Variants in CEP70 observed in about 807,000 individuals in gnomAD.
CEP70 encodes the protein centrosomal protein 70, also known as centrosomal protein of 70 kDa.
In CEP70, 70 loss-of-function variants were observed where a neutral mutation model predicts 90.9. The observed-to-expected ratio is 0.77, with a 90% confidence interval of 0.64 to 0.94. The LOEUF (loss-of-function observed/expected upper bound fraction) is 0.94. Among genes scored for constraint, CEP70 ranks in the 40% least tolerant of loss-of-function variants. The pLI, the probability that CEP70 is intolerant of heterozygous loss-of-function variation, is 0.00. For synonymous variants in CEP70, 220 were observed against 228.3 expected (o/e 0.96, Z 0.33); for missense variants, 648 against 669.0 (o/e 0.97, Z 0.35).
At position 138,551,852 on chromosome 3, in the gene CEP70, G is replaced by T. The variant is rs576122964; in HGVS notation, c.466-14505C>A. On this transcript the variant is annotated intron_variant, in intron 6 of 17. Coordinates refer to ENST00000264982, the MANE Select transcript of CEP70 (RefSeq NM_024491.4). The stretch of plus-strand genomic sequence containing the variant: ...TTGATACTGATGTTGAATGTAAATT[G>T]CCTAAATGCTCCACTTAAAAGATAT... Among the ~76,000 whole-genome samples the T allele has an allele frequency of 5.3e-5, 8 of 151,898 alleles. No homozygotes were observed. The South Asian group carries it at 1.7e-3, about 32-fold the overall frequency.
chr3:138,560,229 G>A (rs1205928097), intron 6 of CEP70, among the ~76,000 whole-genome samples: 1 of 152,144 alleles, frequency 6.6e-6, no homozygotes, highest in Non-Finnish European at 1.5e-5. Flanking sequence ...AAGGAGGGTG[G>A]GGTGTTGCCT....
chr3:138,582,429 G>A (rs745731373), intron 2 of CEP70, among the ~76,000 whole-genome samples: 14 of 151,696 alleles, frequency 9.2e-5, no homozygotes, highest in Non-Finnish European at 1.3e-4. Context: ...CCAAGATAGC[G>A]CCACTGAACT....
At chr3:138,560,184 T>C (rs1023126541) in intron 6 of CEP70, among the ~76,000 whole-genome samples, 5 of 152,108 alleles carry the variant, frequency 3.3e-5, no homozygotes, top group African/African-American at 1.2e-4. Context: ...TTGGGATTGG[T>C]TGGACAGTGG....
intron 11 of CEP70, among the ~76,000 whole-genome samples, chr3:138,514,816 G>A (rs2035856076): frequency 6.6e-6 from 1 of 151,938 alleles, no homozygotes; most frequent in Non-Finnish European, 1.5e-5. Context: ...ATTGGGTAAG[G>A]ATCTGATTTC....
At chr3:138,588,846 G>C (rs182837502) in intron 2 of CEP70, among the ~76,000 whole-genome samples, 252 of 152,276 alleles carry the variant, frequency 1.7e-3, no homozygotes, top group African/African-American at 5.7e-3. Flanking sequence ...TCCAGCAGCA[G>C]GTGAACAGAC....
chr3:138,565,919 T>C (rs2040752539), intron 6 of CEP70, among the ~76,000 whole-genome samples: 2 of 152,124 alleles, frequency 1.3e-5, no homozygotes, highest in African/African-American at 4.8e-5. Context: ...TTTTGCAATC[T>C]ACCCATCTGA....
At chr3:138,574,124 G>A (rs542000651) in intron 2 of CEP70, among the ~76,000 whole-genome samples, 11 of 152,284 alleles carry the variant, frequency 7.2e-5, no homozygotes, top group East Asian at 1.9e-4. Context: ...AGGGCGAGCC[G>A]AAGCAGGGTG....
intron 17 of CEP70, chr3:138,496,982 C>T: frequency 1.0e-6 from 1 of 991,952 alleles, no homozygotes; most frequent in Non-Finnish European, 1.2e-6. Context: ...AAGTTAATAG[C>T]AATCCCAAAG....
intron 2 of CEP70, among the ~76,000 whole-genome samples, chr3:138,588,854 GAC>G: frequency 6.6e-6 from 1 of 152,322 alleles, no homozygotes; most frequent in South Asian, 2.1e-4. Context: ...CAGGTGAACA[GAC>G]ACACAAACTG....
At chr3:138,523,092 T>C (rs577377040) in intron 11 of CEP70, among the ~76,000 whole-genome samples, 2 of 152,310 alleles carry the variant, frequency 1.3e-5, no homozygotes, top group Non-Finnish European at 2.9e-5. Flanking sequence ...ATAAATGTAA[T>C]CCGGCATATA....
chr3:138,580,555 T>C (rs1368455651), intron 2 of CEP70, among the ~76,000 whole-genome samples: 1 of 151,942 alleles, frequency 6.6e-6, no homozygotes, highest in African/African-American at 2.4e-5. Context: ...GAAGGATGGG[T>C]ACAAACAAGC....
chr3:138,505,141 C>T (rs868226696), intron 13 of CEP70, among the ~76,000 whole-genome samples, 154 bp downstream of exon 13: 12 of 152,084 alleles, frequency 7.9e-5, no homozygotes, highest in South Asian at 4.1e-4. Flanking sequence ...AGGAAGATTT[C>T]GGTTTTAGAT....
intron 2 of CEP70, among the ~76,000 whole-genome samples, chr3:138,587,483 C>T (rs1329432799): frequency 6.6e-6 from 1 of 151,928 alleles, no homozygotes; most frequent in Non-Finnish European, 1.5e-5. Context: ...AAAGACAAAA[C>T]AACTTTGAAA....
At chr3:138,527,477 G>A (rs1480058818) in intron 10 of CEP70, among the ~76,000 whole-genome samples, 3 of 151,730 alleles carry the variant, frequency 2.0e-5, no homozygotes, top group African/African-American at 7.3e-5. Context: ...GGCGGATCAC[G>A]AGGTCAGGAG....
At chr3:138,579,870 G>C (rs566594796) in intron 2 of CEP70, among the ~76,000 whole-genome samples, 2 of 152,110 alleles carry the variant, frequency 1.3e-5, no homozygotes, top group East Asian at 3.9e-4. Flanking sequence ...CTTGAGCTTA[G>C]ATACCAACTT....
chr3:138,513,082 A>G (rs542000156), intron 11 of CEP70, among the ~76,000 whole-genome samples: 25 of 152,280 alleles, frequency 1.6e-4, no homozygotes, highest in African/African-American at 6.0e-4. Context: ...CTAAAATCCA[A>G]TGTGTTATAT....
intron 11 of CEP70, among the ~76,000 whole-genome samples, chr3:138,518,333 A>G (rs1469888440): frequency 6.6e-6 from 1 of 152,190 alleles, no homozygotes; most frequent in African/African-American, 2.4e-5. Context: ...TGGATAGAGT[A>G]GTGGTTCTCC....
chr3:138,557,291 C>T (rs1672939), intron 6 of CEP70, among the ~76,000 whole-genome samples: 89,884 of 151,948 alleles, frequency 0.59, 27,149 homozygotes, highest in East Asian at 0.94. Flanking sequence ...CCAGATTTCA[C>T]ATTGTTCAAA....
intron 11 of CEP70, among the ~76,000 whole-genome samples, chr3:138,524,516 G>A (rs2037009249): frequency 6.6e-6 from 1 of 152,112 alleles, no homozygotes; most frequent in South Asian, 2.1e-4. Context: ...CTACTCATCT[G>A]ACAAAGGGCT....
Sources: allele counts gnomAD v4.1 joint callset (sites outside exome capture counted in the v4.1 genomes callset), GRCh38; gene constraint gnomAD v4.1.1; transcripts MANE v1.5; gene names NCBI Gene and HGNC (gene_info 2026-07-23, HGNC 2026-07-21).